CLCN3: variants seen among roughly 807,000 people sequenced by gnomAD.
CLCN3 encodes the protein H(+)/Cl(-) exchange transporter 3.
Under a neutral mutation model 83.4 loss-of-function variants are expected in CLCN3, and 16 were observed. That is an observed-to-expected ratio of 0.19 (90% CI 0.13 to 0.29). The LOEUF is 0.29. Among genes scored for constraint, CLCN3 ranks in the 10% least tolerant of loss-of-function variants. The pLI is 1.00. For missense variants in CLCN3, 544 were observed against 1,006.0 expected, an observed-to-expected ratio of 0.54 and a Z score of 6.21; for synonymous variants, 322 against 346.2, an observed-to-expected ratio of 0.93 and a Z score of 0.78.
intron 2 of CLCN3, among the ~76,000 whole-genome samples, chr4:169,651,201 A>G (rs1352397100): frequency 6.6e-6 from 1 of 152,164 alleles, no homozygotes; most frequent in Non-Finnish European, 1.5e-5. Flanking sequence ...AAAATTTCAA[A>G]GAAAGTTAAC....
At chr4:169,698,520 A>C (rs2150257220) in intron 9 of CLCN3, among the ~76,000 whole-genome samples, 1 of 152,234 alleles carries the variant, frequency 6.6e-6, no homozygotes, top group East Asian at 1.9e-4. Flanking sequence ...GCTGTTTTTA[A>C]TGTAGCCAAA....
At position 169,680,050 on chromosome 4, in the gene CLCN3, G is replaced by T. The variant is rs781390349; in HGVS notation, c.161G>T (p.Gly54Val). Residue 54 changes from glycine to valine, a missense_variant and splice_region_variant, in exon 3 of 13, where the codon GGA becomes GTA. Around this residue, in one of 6 missense-constraint regions of CLCN3, gnomAD observed 77 missense variants for 92.8 expected, o/e 0.83. Transcript: ENST00000513761. ...TCATCTTTCCTTTTCTCTTCTGTAG[G>T]AACTCATTATACAATGACAAATGGA... ...DNLLDGDTAV[G>V]THYTMTNGGS... 9.3e-6 allele frequency: 15 copies of T among 1,609,424 alleles called. No individual in the cohort carries two copies. In the East Asian group the frequency reaches 3.1e-4, roughly 33 times the overall value.
intron 11 of CLCN3, among the ~76,000 whole-genome samples, chr4:169,712,226 T>C (rs974582240): frequency 6.6e-6 from 1 of 152,156 alleles, no homozygotes; most frequent in Admixed American, 6.5e-5. Flanking sequence ...TAACTCAAAG[T>C]AGAAACATAA....
At chr4:169,687,074 A>G (rs1284098115) in intron 3 of CLCN3, among the ~76,000 whole-genome samples, 1 of 152,230 alleles carries the variant, frequency 6.6e-6, no homozygotes, top group Non-Finnish European at 1.5e-5. Context: ...TATTATACAC[A>G]GATCCTGTCT....
chr4:169,694,308 C>T (rs1732484791), intron 7 of CLCN3, among the ~76,000 whole-genome samples: 1 of 152,078 alleles, frequency 6.6e-6, no homozygotes, highest in Non-Finnish European at 1.5e-5. Flanking sequence ...ATCACGTTTC[C>T]ATTTTAGAGA....
At chr4:169,680,723 G>T (rs1168664055) in intron 3 of CLCN3, 1 of 152,454 alleles carries the variant, frequency 6.6e-6, no homozygotes, top group Non-Finnish European at 1.5e-5. Context: ...AGCTTATTGA[G>T]TGTTGTAATG....
intron 2 of CLCN3, among the ~76,000 whole-genome samples, chr4:169,648,914 C>T (rs1730653203): frequency 6.6e-6 from 1 of 151,850 alleles, no homozygotes. Flanking sequence ...GTAATCCCAG[C>T]TACTCGGGAG....
intron 9 of CLCN3, 114 bp downstream of exon 9, chr4:169,697,848 GT>G: frequency 4.2e-6 from 3 of 719,610 alleles, no homozygotes; most frequent in Non-Finnish European, 7.0e-6. Context: ...TATCTTTTGA[GT>G]TTAATTTTAA....
At chr4:169,686,003 C>G (rs531277034) in intron 3 of CLCN3, among the ~76,000 whole-genome samples, 1 of 152,178 alleles carries the variant, frequency 6.6e-6, no homozygotes, top group South Asian at 2.1e-4. Context: ...TTGAAATAGA[C>G]TGGGTCCATG....
chr4:169,650,140 T>A (rs571160328), intron 2 of CLCN3, among the ~76,000 whole-genome samples: 1 of 152,272 alleles, frequency 6.6e-6, no homozygotes, highest in Admixed American at 6.5e-5. Flanking sequence ...GTCTGAGTGC[T>A]GATAAAACAG....
chr4:169,657,693 G>A (rs1225105646), intron 2 of CLCN3, among the ~76,000 whole-genome samples: 1 of 152,122 alleles, frequency 6.6e-6, no homozygotes, highest in Non-Finnish European at 1.5e-5. Context: ...AGTGGAGGGT[G>A]CGTTCGAAAG....
At chr4:169,679,901 A>AG in intron 2 of CLCN3, 149 bp from the exon 3 acceptor site, 1 of 541,878 alleles carries the variant, frequency 1.8e-6, no homozygotes, top group Non-Finnish European at 3.4e-6. Flanking sequence ...GACGAGGGAG[A>AG]GGGGGAGACC....
At chr4:169,714,475 T>C (rs1046360467) in intron 12 of CLCN3, among the ~76,000 whole-genome samples, 1 of 152,160 alleles carries the variant, frequency 6.6e-6, no homozygotes, top group Admixed American at 6.5e-5. Flanking sequence ...GATGTAGTAA[T>C]TAAAGCTCAA....
At chr4:169,694,162 A>T (rs1054998489) in intron 7 of CLCN3, among the ~76,000 whole-genome samples, 2 of 152,196 alleles carry the variant, frequency 1.3e-5, no homozygotes, top group Non-Finnish European at 2.9e-5. Flanking sequence ...CTACATTTTA[A>T]TGCCAACAAT....
chr4:169,624,914 C>T (rs549878919), intron 1 of CLCN3, among the ~76,000 whole-genome samples: 4 of 152,214 alleles, frequency 2.6e-5, no homozygotes, highest in African/African-American at 9.6e-5. Context: ...GCCTCAGCCT[C>T]CTGAGTAGCT....
chr4:169,692,046 T>C, intron 6 of CLCN3, 68 bp from the exon 7 acceptor site: 1 of 1,031,944 alleles, frequency 9.7e-7, no homozygotes, highest in South Asian at 1.5e-5. Context: ...AACAAGAAAA[T>C]AACTTGGATT....
chr4:169,636,174 C>A, intron 2 of CLCN3, 86 bp downstream of exon 2: 1 of 1,213,076 alleles, frequency 8.2e-7, no homozygotes, highest in Non-Finnish European at 1.1e-6. Context: ...TTGAATTTTT[C>A]AGTAACTTTA....
At chr4:169,635,465 A>G (rs1251135721) in intron 1 of CLCN3, among the ~76,000 whole-genome samples, 1 of 152,138 alleles carries the variant, frequency 6.6e-6, no homozygotes, top group Non-Finnish European at 1.5e-5. Context: ...TGAAATAAAT[A>G]TTTTAAAATT....
intron 11 of CLCN3, among the ~76,000 whole-genome samples, chr4:169,709,318 TA>T (rs1263459486): frequency 6.6e-6 from 1 of 151,532 alleles, no homozygotes; most frequent in Non-Finnish European, 1.5e-5. Flanking sequence ...CAGAATGTTG[TA>T]AAATATTAAA....
Sources: allele counts gnomAD v4.1 joint callset (sites outside exome capture counted in the v4.1 genomes callset), GRCh38; gene constraint gnomAD v4.1.1; regional missense constraint gnomAD v4.1.1; transcripts MANE v1.5; gene names NCBI Gene and HGNC (gene_info 2026-07-23, HGNC 2026-07-21).